The following SIMC1 variants were observed in gnomAD, a reference collection of about 807,000 sequenced individuals.
SIMC1 encodes SUMO interacting motifs containing 1.
SIMC1 carries 55 observed loss-of-function variants against 82.3 expected under a neutral mutation model. That is an observed-to-expected ratio of 0.67 (90% CI 0.54 to 0.84). The LOEUF is 0.84. Ranked by LOEUF, SIMC1 falls within the 40% of genes least tolerant of loss-of-function variation. The pLI is 0.00. For synonymous variants in SIMC1, 353 were observed against 426.3 expected (o/e 0.83, Z 2.12); for missense variants, 915 against 1,107.2 (o/e 0.83, Z 2.46).
chr5:176,322,556 A>G, intron 6 of SIMC1, 131 bp downstream of exon 6: 1 of 1,112,594 alleles, frequency 9.0e-7, no homozygotes, highest in Non-Finnish European at 1.2e-6. Flanking sequence ...CTTATTCAAG[A>G]CTTAGTTTAA....
chr5:176,253,163 A>C (rs923861091), intron 1 of SIMC1, among the ~76,000 whole-genome samples: 4 of 151,980 alleles, frequency 2.6e-5, no homozygotes, highest in Middle Eastern at 3.2e-3. Context: ...GGAGAGGTGA[A>C]AATTATTTTC....
intron 5 of SIMC1, 117 bp downstream of exon 5, chr5:176,313,962 G>C (rs1764788553): frequency 7.6e-7 from 1 of 1,317,534 alleles, no homozygotes; most frequent in Non-Finnish European, 1.0e-6. Flanking sequence ...GTGTAATAGG[G>C]CTAATTTTTA....
intron 1 of SIMC1, among the ~76,000 whole-genome samples, chr5:176,278,658 AAGGGTT>A (rs1316323276): frequency 4.0e-5 from 3 of 74,160 alleles, no homozygotes; most frequent in Non-Finnish European, 8.6e-5. Context: ...TTTTAGCATG[AAGGGTT>A]GTTGAATTTT....
chr5:176,329,573 A>G (rs911332770), intron 7 of SIMC1, among the ~76,000 whole-genome samples: 4 of 151,988 alleles, frequency 2.6e-5, no homozygotes, highest in Non-Finnish European at 5.9e-5. Context: ...TATAGCTACA[A>G]TCATCCATCC....
chr5:176,290,177 C>T lies in SIMC1; in HGVS notation c.653C>T (p.Ala218Val), dbSNP rs757184050. The change falls in exon 2 of 10, where the codon GCC (alanine) becomes GTC (valine). Residue 218 changes from alanine (A) to valine (V), a missense_variant. Coordinates refer to ENST00000429602, the MANE Select transcript of SIMC1 (RefSeq NM_001308195.2). ...PQQDVSRPPQ[A>V]LPCPLRPLPC... Reference sequence around the variant, plus strand: ...CAAGATGTATCTCGCCCACCACAGGCCTTGCCGTGCCCCCTGCGACCTTTG... The same window carrying T: ...CAAGATGTATCTCGCCCACCACAGGTCTTGCCGTGCCCCCTGCGACCTTTG... 1.9e-6 allele frequency: 3 copies of T among 1,612,022 alleles called. No individual in the cohort carries two copies. The highest frequency in any genetic ancestry group is 2.2e-5 in the East Asian group (1 of 44,852).
At chr5:176,338,441 A>G (rs1456418419) in intron 9 of SIMC1, among the ~76,000 whole-genome samples, 1 of 152,210 alleles carries the variant, frequency 6.6e-6, no homozygotes, top group East Asian at 1.9e-4. Flanking sequence ...TCCAAGGAAC[A>G]TAGAACAAAC....
At chr5:176,326,866 T>C (rs1765417010) in intron 7 of SIMC1, among the ~76,000 whole-genome samples, 1 of 152,186 alleles carries the variant, frequency 6.6e-6, no homozygotes, top group African/African-American at 2.4e-5. Flanking sequence ...CACCTGGCAA[T>C]GTTATCTCTA....
chr5:176,304,350 A>T, intron 4 of SIMC1: 1 of 158,826 alleles, frequency 6.3e-6, no homozygotes, highest in South Asian at 1.3e-4. Flanking sequence ...GGCACGCGCC[A>T]CCACGCCTGA....
chr5:176,319,188 T>C (rs1765050671), intron 5 of SIMC1, among the ~76,000 whole-genome samples: 1 of 152,248 alleles, frequency 6.6e-6, no homozygotes, highest in Non-Finnish European at 1.5e-5. Context: ...TGGAAGTTTG[T>C]AAAGTTCTCT....
chr5:176,287,097 A>C (rs1763324765), intron 1 of SIMC1, among the ~76,000 whole-genome samples: 1 of 152,230 alleles, frequency 6.6e-6, no homozygotes, highest in African/African-American at 2.4e-5. Flanking sequence ...TAGAACTAGA[A>C]ATACCATTTG....
chr5:176,326,501 G>A (rs1765398901), intron 7 of SIMC1, among the ~76,000 whole-genome samples: 1 of 151,648 alleles, frequency 6.6e-6, no homozygotes, highest in African/African-American at 2.4e-5. Flanking sequence ...CCGAAGTTCT[G>A]GGATTACAGG....
chr5:176,296,399 C>T, intron 4 of SIMC1, 79 bp downstream of exon 4: 3 of 1,608,276 alleles, frequency 1.9e-6, no homozygotes, highest in Non-Finnish European at 2.5e-6. Context: ...TGCCATGGCT[C>T]ACACCTGTAA....
At chr5:176,252,426 G>C (rs1289327890) in intron 1 of SIMC1, among the ~76,000 whole-genome samples, 1 of 151,408 alleles carries the variant, frequency 6.6e-6, no homozygotes, top group Non-Finnish European at 1.5e-5. Context: ...TCTCAGACAG[G>C]GCGGCCGGGC....
At chr5:176,275,552 GT>G (rs1270462561) in intron 1 of SIMC1, among the ~76,000 whole-genome samples, 3 of 151,808 alleles carry the variant, frequency 2.0e-5, no homozygotes, top group African/African-American at 7.2e-5. Context: ...TCTTGTGCCA[GT>G]TTTCAAAGGG....
At chr5:176,331,975 A>C (rs941742669) in intron 7 of SIMC1, among the ~76,000 whole-genome samples, 4 of 152,092 alleles carry the variant, frequency 2.6e-5, no homozygotes, top group Non-Finnish European at 4.4e-5. Flanking sequence ...TAAAAAAAAA[A>C]ACAAACAAAC....
intron 4 of SIMC1, among the ~76,000 whole-genome samples, chr5:176,307,613 G>A (rs939928995): frequency 1.3e-5 from 2 of 152,058 alleles, no homozygotes; most frequent in Non-Finnish European, 2.9e-5. Flanking sequence ...TGTTAGCCAG[G>A]ATGGTCGTGA....
At chr5:176,337,182 G>T in intron 9 of SIMC1, 36 bp downstream of exon 9, 2 of 1,532,406 alleles carry the variant, frequency 1.3e-6, no homozygotes, top group Non-Finnish European at 1.8e-6. Flanking sequence ...AGTAGTGGAA[G>T]GTCTCAATGG....
chr5:176,255,577 CTTTTT>C (rs57239326), intron 1 of SIMC1, among the ~76,000 whole-genome samples: 6 of 134,380 alleles, frequency 4.5e-5, no homozygotes, highest in African/African-American at 1.7e-4. Flanking sequence ...GTGAGACTGT[CTTTTT>C]TTTTTTTTTT....
intron 9 of SIMC1, among the ~76,000 whole-genome samples, chr5:176,340,684 T>A (rs1766097170): frequency 6.6e-6 from 1 of 152,246 alleles, no homozygotes; most frequent in Non-Finnish European, 1.5e-5. Context: ...CAGCATGGCA[T>A]CTGCCCTCAC....
Sources: allele counts gnomAD v4.1 joint callset (sites outside exome capture counted in the v4.1 genomes callset), GRCh38; gene constraint gnomAD v4.1.1; transcripts MANE v1.5; gene names NCBI Gene and HGNC (gene_info 2026-07-23, HGNC 2026-07-21).